The following FBXO34 variants were observed in gnomAD, a reference collection of about 807,000 sequenced individuals.
FBXO34 encodes F-box protein 34, also known as F-box only protein 34.
FBXO34 carries 12 observed loss-of-function variants against 24.5 expected under a neutral mutation model. The ratio of observed to expected loss-of-function variants is 0.49; its 90% CI spans 0.31 to 0.79. The LOEUF (loss-of-function observed/expected upper bound fraction) is 0.79. FBXO34 is among the 30% of genes least tolerant of loss of function. The pLI is 0.04. For missense variants in FBXO34, 823 were observed against 857.7 expected, an observed-to-expected ratio of 0.96 and a Z score of 0.51; for synonymous variants, 320 against 311.9, an observed-to-expected ratio of 1.03 and a Z score of -0.27.
intron 1 of FBXO34, among the ~76,000 whole-genome samples, chr14:55,300,921 A>G (rs1882330873): frequency 6.6e-6 from 1 of 152,194 alleles, no homozygotes. Flanking sequence ...GTAATTCTGA[A>G]TATACTAAGG....
intron 1 of FBXO34, among the ~76,000 whole-genome samples, chr14:55,292,025 G>C (rs924656444): frequency 1.3e-5 from 2 of 152,024 alleles, no homozygotes; most frequent in African/African-American, 4.8e-5. Context: ...ATTTTCTTTG[G>C]TCCTGTTTTC....
At chr14:55,359,673 C>G (rs1454623616) in intron 3 of FBXO34, among the ~76,000 whole-genome samples, 1 of 152,156 alleles carries the variant, frequency 6.6e-6, no homozygotes, top group Non-Finnish European at 1.5e-5. Flanking sequence ...CTCTTCCTTT[C>G]ACGAAAGATT....
downstream of FBXO34, among the ~76,000 whole-genome samples, chr14:55,365,058 TAAAAA>T (rs563260970): frequency 1.8e-4 from 23 of 124,446 alleles, no homozygotes; most frequent in Non-Finnish European, 1.8e-4. Flanking sequence ...ATCTCTACTT[TAAAAA>T]AAAAAAAAAA....
the FBXO34 span, among the ~76,000 whole-genome samples, chr14:55,390,513 A>G: frequency 2.0e-4 from 31 of 152,082 alleles, no homozygotes; most frequent in African/African-American, 7.5e-4. Flanking sequence ...AGCTGGGACT[A>G]CAGGCACCCG....
chr14:55,439,617 C>CCCCGCCCCCCG, the FBXO34 span, among the ~76,000 whole-genome samples: 2 of 72,628 alleles, frequency 2.8e-5, 1 homozygote, highest in Non-Finnish European at 5.9e-5. Flanking sequence ...AAAGCAAACC[C>CCCCGCCCCCCG]CCCCCCGTCT....
the FBXO34 span, among the ~76,000 whole-genome samples, chr14:55,376,608 C>T: frequency 6.6e-6 from 1 of 152,180 alleles, no homozygotes; most frequent in African/African-American, 2.4e-5. Context: ...AGCAGATTAT[C>T]ACTGAAAGTT....
rs1884352451 is a variant in FBXO34, at chr14:55,351,168, G to A, written c.778G>A (p.Glu260Lys). 1 of 1,614,196 alleles carries A rather than the reference G, an allele frequency of 6.2e-7. No individual in the cohort carries two copies. The highest frequency in any genetic ancestry group is 8.5e-7 in the Non-Finnish European group (1 of 1,180,042). The change falls in exon 2 of 2, where the codon GAA (glutamate) becomes AAA (lysine). Residue 260 changes from glutamate to lysine, a missense_variant. Glu to Lys is a moderately conservative substitution (Grantham distance 56). Coordinates refer to ENST00000313833, the MANE Select transcript of FBXO34 (RefSeq NM_017943.4). The part of the protein sequence containing the change: ...ESYSAPGACE[E>K]PTERGNLEVG... ...CTATTCTGCCCCAGGAGCTTGTGAA[G>A]AACCCACAGAAAGGGGAAATCTTGA... is the stretch of plus-strand genomic sequence containing the variant.
At chr14:55,429,766 C>CAAAAAAAAAAAAAAAAA in the FBXO34 span, among the ~76,000 whole-genome samples, 1 of 52,394 alleles carries the variant, frequency 1.9e-5, no homozygotes, top group Non-Finnish European at 3.2e-5. Context: ...AACTCCGTCT[C>CAAAAAAAAAAAAAAAAA]AAAAAAAAAA....
At chr14:55,436,665 G>A in the FBXO34 span, 1 of 1,614,124 alleles carries the variant, frequency 6.2e-7, no homozygotes, top group Non-Finnish European at 8.5e-7. Context: ...TCTCAGGAGA[G>A]GGCTGGACTG....
the FBXO34 span, among the ~76,000 whole-genome samples, chr14:55,377,192 C>T: frequency 2.0e-5 from 3 of 152,174 alleles, no homozygotes; most frequent in African/African-American, 4.8e-5. Context: ...ACTAAAAATA[C>T]AAAAATTAGC....
At chr14:55,377,357 A>G in the FBXO34 span, among the ~76,000 whole-genome samples, 1 of 152,120 alleles carries the variant, frequency 6.6e-6, no homozygotes, top group Non-Finnish European at 1.5e-5. Flanking sequence ...CAAAAAAAAA[A>G]GGAAATTGTG....
At chr14:55,332,547 T>G (rs953980031) in intron 1 of FBXO34, among the ~76,000 whole-genome samples, 6 of 152,220 alleles carry the variant, frequency 3.9e-5, no homozygotes, top group Non-Finnish European at 7.4e-5. Flanking sequence ...AAAAGCTCTT[T>G]CTCAGATTGT....
intron 1 of FBXO34, chr14:55,282,316 C>T: frequency 2.2e-6 from 1 of 457,874 alleles, no homozygotes; most frequent in South Asian, 1.6e-5. Context: ...TGACTCTGTG[C>T]TTGTGCTTTC....
downstream of FBXO34, among the ~76,000 whole-genome samples, chr14:55,364,214 G>A (rs959966067): frequency 2.0e-5 from 3 of 152,052 alleles, no homozygotes; most frequent in Non-Finnish European, 4.4e-5. Context: ...CTCCCAAAGT[G>A]CTGGGATTAC....
chr14:55,323,794 AG>A (rs1292871588), intron 1 of FBXO34, among the ~76,000 whole-genome samples: 1 of 151,602 alleles, frequency 6.6e-6, no homozygotes, highest in African/African-American at 2.4e-5. Flanking sequence ...TAATCATTTG[AG>A]GTTCAGTTTA....
chr14:55,420,513 G>A, the FBXO34 span, among the ~76,000 whole-genome samples: 8 of 125,066 alleles, frequency 6.4e-5, no homozygotes, highest in Admixed American at 6.0e-4. Flanking sequence ...GCCAAGAGAT[G>A]ATAATTATTT....
chr14:55,414,485 TTAATA>T, the FBXO34 span: 1 of 1,491,162 alleles, frequency 6.7e-7, no homozygotes, highest in South Asian at 1.3e-5. Context: ...TATATAATTT[TTAATA>T]TAAAAATACC....
At chr14:55,276,941 A>G (rs547949306) in intron 1 of FBXO34, among the ~76,000 whole-genome samples, 22 of 152,328 alleles carry the variant, frequency 1.4e-4, no homozygotes, top group African/African-American at 5.1e-4. Context: ...TGGTTCTCTT[A>G]GCTAAGGGAG....
At chr14:55,301,127 G>T (rs562959585) in intron 1 of FBXO34, among the ~76,000 whole-genome samples, 5 of 152,154 alleles carry the variant, frequency 3.3e-5, no homozygotes, top group Non-Finnish European at 7.4e-5. Context: ...AATCAGCTCT[G>T]TAGGACAATG....
Sources: gnomAD v4.1 joint callset for allele counts (sites outside exome capture counted in the v4.1 genomes callset) on GRCh38, gnomAD v4.1.1 for gene constraint, MANE v1.5 for transcripts, NCBI Gene and HGNC (gene_info 2026-07-23, HGNC 2026-07-21) for gene names.